Variants in IFT81 observed in about 807,000 individuals in gnomAD.
IFT81 encodes intraflagellar transport 81, also known as intraflagellar transport protein 81 homolog.
Under a neutral mutation model 102.6 loss-of-function variants are expected in IFT81, and 72 were observed. That is an observed-to-expected ratio of 0.70 (90% CI 0.58 to 0.85). The LOEUF (loss-of-function observed/expected upper bound fraction) is 0.85, where lower values mean the gene tolerates loss of function less well. Among genes scored for constraint, IFT81 ranks in the 40% least tolerant of loss-of-function variants. The probability of loss-of-function intolerance (pLI) is 0.00; values close to 1 mark genes in which losing one functional copy is unlikely to be tolerated. For missense variants in IFT81, 723 were observed against 787.3 expected (o/e 0.92, Z 0.98); for synonymous variants, 237 against 242.7 (o/e 0.98, Z 0.22).
At chr12:110,188,051 G>A (rs746352707) in intron 12 of IFT81, among the ~76,000 whole-genome samples, 3 of 152,124 alleles carry the variant, frequency 2.0e-5, no homozygotes, top group Non-Finnish European at 4.4e-5. Context: ...CTATCTGCTC[G>A]GCCGGGCGCG....
chr12:110,179,780 A>ACG (rs1566148793), intron 11 of IFT81, among the ~76,000 whole-genome samples: 5 of 128,566 alleles, frequency 3.9e-5, no homozygotes, highest in Admixed American at 8.2e-5. Flanking sequence ...ATATACACAC[A>ACG]CACACACACA....
At chr12:110,126,075 C>G (rs949467854) in intron 1 of IFT81, among the ~76,000 whole-genome samples, 3 of 152,114 alleles carry the variant, frequency 2.0e-5, no homozygotes, top group African/African-American at 4.8e-5. Context: ...TCAGGAGATC[C>G]AGACCATCCT....
intron 12 of IFT81, among the ~76,000 whole-genome samples, chr12:110,182,233 C>G (rs1209689193): frequency 1.3e-5 from 2 of 152,170 alleles, no homozygotes; most frequent in African/African-American, 2.4e-5. Flanking sequence ...TTGTTTGTCA[C>G]ATTAAATTTA....
chr12:110,148,622 C>T (rs972508105), intron 10 of IFT81, among the ~76,000 whole-genome samples: 1 of 151,846 alleles, frequency 6.6e-6, no homozygotes, highest in African/African-American at 2.4e-5. Context: ...TTACAGGTGC[C>T]CACCACCATG....
chr12:110,131,064 C>G (rs567080434), intron 4 of IFT81, among the ~76,000 whole-genome samples: 131 of 152,138 alleles, frequency 8.6e-4, no homozygotes, highest in African/African-American at 3.1e-3. Context: ...GGGCAGATTG[C>G]TTGAGCTCAG....
intron 6 of IFT81, 31 bp from the exon 7 acceptor site, chr12:110,135,296 G>A (rs756829565): frequency 1.4e-6 from 2 of 1,403,324 alleles, no homozygotes; most frequent in Admixed American, 4.2e-5. Context: ...AAACCTGACA[G>A]TAACATGTAC....
In IFT81 at chr12:110,203,871, C is replaced by T. The variant is rs1381565609; in HGVS notation, c.1565C>T (p.Thr522Ile). The change falls in exon 15 of 19, where the codon ACC becomes ATC. Residue 522 changes from threonine (T) to isoleucine (I), a missense_variant. Transcript: ENST00000242591. ...RQLRQKYQEL[T>I]QECDEKKSQY... ...TTTCCCTTTTTATACTAGGAACTGA[C>T]CCAGGAGTGTGATGAAAAGAAATCC... is the stretch of plus-strand genomic sequence containing the variant. The T allele has an allele frequency of 1.2e-6, 2 of 1,610,958 alleles. No individual in the cohort carries two copies. The highest frequency in any genetic ancestry group is 1.7e-6 in the Non-Finnish European group (2 of 1,177,178).
At chr12:110,139,336 CAAAAAAAAA>C (rs398044810) in intron 8 of IFT81, among the ~76,000 whole-genome samples, 656 of 52,592 alleles carry the variant, frequency 0.012, 5 homozygotes, top group African/African-American at 0.045. Context: ...GACTCTGTCT[CAAAAAAAAA>C]AAAAAAAAAA....
intron 10 of IFT81, among the ~76,000 whole-genome samples, chr12:110,157,600 A>G (rs1235758363): frequency 6.6e-6 from 1 of 152,036 alleles, no homozygotes; most frequent in African/African-American, 2.4e-5. Flanking sequence ...TTATTTCTTC[A>G]TATATTCTAT....
chr12:110,152,749 C>G (rs891196425), intron 10 of IFT81, among the ~76,000 whole-genome samples: 1 of 151,930 alleles, frequency 6.6e-6, no homozygotes, highest in Non-Finnish European at 1.5e-5. Context: ...ACTACAGGTA[C>G]CTGCCACTGC....
chr12:110,192,740 T>G (rs761793425), intron 14 of IFT81, 34 bp downstream of exon 14: 15 of 1,189,820 alleles, frequency 1.3e-5, no homozygotes, highest in Non-Finnish European at 1.8e-5. Context: ...AATTTGATTT[T>G]ATGATACTTT....
In IFT81 at chr12:110,187,545, A is replaced by G. The variant is rs192194383; in HGVS notation, c.1339-3375A>G. Reference sequence around the variant, plus strand: ...CTCCCAAAGTGATGGGATTACATGCATAAGCTACTGTTCCTGGCCATGTAT... The same window carrying G: ...CTCCCAAAGTGATGGGATTACATGCGTAAGCTACTGTTCCTGGCCATGTAT... On this transcript the variant is annotated intron_variant, in intron 12 of 18. Coordinates refer to ENST00000242591, the MANE Select transcript of IFT81 (RefSeq NM_014055.4). Among the ~76,000 whole-genome samples, 1,046 of 152,226 alleles carry G rather than the reference A, an allele frequency of 6.9e-3. 1 individual carries two copies. The highest frequency in any genetic ancestry group is 9.5e-3 in the Non-Finnish European group (643 of 67,984).
chr12:110,187,930 A>G (rs920981010), intron 12 of IFT81, among the ~76,000 whole-genome samples: 2 of 152,138 alleles, frequency 1.3e-5, no homozygotes, highest in Non-Finnish European at 2.9e-5. Context: ...TTTTCAGCTG[A>G]TAATGTGAGG....
chr12:110,180,440 A>G lies in IFT81; in HGVS notation c.1207A>G (p.Lys403Glu), dbSNP rs373473888. 7 of 1,605,278 alleles carry G rather than the reference A, an allele frequency of 4.4e-6. No individual in the cohort carries two copies. The highest frequency in any genetic ancestry group is 4.3e-6 in the Non-Finnish European group (5 of 1,173,422). Residue 403 changes from lysine (K) to glutamate (E), a missense_variant, in exon 12 of 19, where the codon AAA (lysine) becomes GAA (glutamate). Coordinates refer to ENST00000242591, the MANE Select transcript of IFT81 (RefSeq NM_014055.4). ...KGDEFKRYVN[K>E]LRSKSTVFKK... ...TTTACAGTTCAAACGATATGTCAATAAACTTCGAAGCAAGAGTACAGTTTT... is the reference window on the plus strand; with the variant it reads ...TTTACAGTTCAAACGATATGTCAATGAACTTCGAAGCAAGAGTACAGTTTT...
chr12:110,163,635 A>C (rs1458236110), intron 11 of IFT81, among the ~76,000 whole-genome samples: 1 of 105,406 alleles, frequency 9.5e-6, no homozygotes, highest in Non-Finnish European at 1.9e-5. Context: ...TTTTTTTTTG[A>C]GACGGAGTCT....
chr12:110,189,644 T>C (rs1326262476), intron 12 of IFT81, among the ~76,000 whole-genome samples: 2 of 152,182 alleles, frequency 1.3e-5, no homozygotes, highest in Non-Finnish European at 2.9e-5. Context: ...CCACCACACC[T>C]GGCCTAATTC....
chr12:110,185,286 A>G (rs1473944394), intron 12 of IFT81, among the ~76,000 whole-genome samples: 2 of 152,098 alleles, frequency 1.3e-5, no homozygotes, highest in Non-Finnish European at 2.9e-5. Flanking sequence ...CCTAGGTTCA[A>G]GTGATTCTCC....
chr12:110,180,719 A>G, intron 12 of IFT81, 148 bp downstream of exon 12: 1 of 534,722 alleles, frequency 1.9e-6, no homozygotes, highest in Non-Finnish European at 3.1e-6. Flanking sequence ...ATATAAGTTG[A>G]TTCATTTATT....
At chr12:110,217,553 G>C (rs1870293855) in intron 18 of IFT81, among the ~76,000 whole-genome samples, 1 of 151,392 alleles carries the variant, frequency 6.6e-6, no homozygotes, top group Non-Finnish European at 1.5e-5. Flanking sequence ...TTTTTTGTTT[G>C]TTTGTTTTTG....
Sources: gnomAD v4.1 joint callset for allele counts (sites outside exome capture counted in the v4.1 genomes callset) on GRCh38, gnomAD v4.1.1 for gene constraint, MANE v1.5 for transcripts, NCBI Gene and HGNC (gene_info 2026-07-23, HGNC 2026-07-21) for gene names.